CAMK1G: variants seen among roughly 807,000 people sequenced by gnomAD.
CAMK1G encodes calcium/calmodulin-dependent protein kinase type 1G.
Under a neutral mutation model 54.8 loss-of-function variants are expected in CAMK1G, and 27 were observed. The observed-to-expected ratio is 0.49, with a 90% confidence interval of 0.36 to 0.68. The LOEUF is 0.68. Among genes scored for constraint, CAMK1G ranks in the 30% least tolerant of loss-of-function variants. CAMK1G has a pLI of 0.00. For synonymous variants in CAMK1G, 238 were observed against 224.9 expected (o/e 1.06, Z -0.52); for missense variants, 512 against 591.0 (o/e 0.87, Z 1.39).
intron 4 of CAMK1G, among the ~76,000 whole-genome samples, chr1:209,604,978 A>G (rs1665612250): frequency 6.6e-6 from 1 of 152,170 alleles, no homozygotes; most frequent in Non-Finnish European, 1.5e-5. Flanking sequence ...TAGAAGTCAG[A>G]CTTGATCTTT....
At chr1:209,587,349 C>G (rs1665129504) in intron 1 of CAMK1G, among the ~76,000 whole-genome samples, 2 of 152,092 alleles carry the variant, frequency 1.3e-5, no homozygotes, top group Admixed American at 1.3e-4. Flanking sequence ...ATGGCCTAGT[C>G]TACATTTTCC....
At chr1:209,606,730 C>T (rs1171893996) in intron 6 of CAMK1G, among the ~76,000 whole-genome samples, 1 of 152,172 alleles carries the variant, frequency 6.6e-6, no homozygotes, top group Non-Finnish European at 1.5e-5. Flanking sequence ...CTTTGTCTTT[C>T]CAGCTGGACC....
chr1:209,605,476 CCTT>C (rs1427225870), intron 4 of CAMK1G, 57 bp from the exon 5 acceptor site: 18 of 1,579,888 alleles, frequency 1.1e-5, no homozygotes, highest in Non-Finnish European at 1.6e-5. Flanking sequence ...AAAGCAAACA[CCTT>C]CTCATTACTT....
intron 1 of CAMK1G, among the ~76,000 whole-genome samples, chr1:209,593,953 G>A (rs1006025710): frequency 2.0e-5 from 3 of 152,042 alleles, no homozygotes; most frequent in Non-Finnish European, 2.9e-5. Context: ...CCCACCATAC[G>A]GAGCTCACTC....
intron 6 of CAMK1G, among the ~76,000 whole-genome samples, chr1:209,607,267 G>A (rs1665673256): frequency 6.6e-6 from 1 of 152,210 alleles, no homozygotes. Context: ...ACACCCCACA[G>A]GGCTCCTAAT....
At chr1:209,592,713 T>A (rs11119312) in intron 1 of CAMK1G, among the ~76,000 whole-genome samples, 32,057 of 152,128 alleles carry the variant, frequency 0.21, 3,929 homozygotes, top group Non-Finnish European at 0.27. Context: ...ACACCATCTG[T>A]CTCCCCATCC....
intron 1 of CAMK1G, among the ~76,000 whole-genome samples, chr1:209,588,878 C>T (rs1665174676): frequency 6.6e-6 from 1 of 152,206 alleles, no homozygotes; most frequent in Non-Finnish European, 1.5e-5. Context: ...CCACTGGGAG[C>T]ATGGAAAGGG....
intron 9 of CAMK1G, 81 bp from the exon 10 acceptor site, chr1:209,611,384 A>G: frequency 4.7e-6 from 6 of 1,282,024 alleles, no homozygotes; most frequent in Non-Finnish European, 4.5e-6. Context: ...GCTCTCACCT[A>G]GACCTGCAGG....
chr1:209,608,788 G>C (rs561595220), intron 7 of CAMK1G, among the ~76,000 whole-genome samples, 192 bp from the exon 8 acceptor site: 2 of 152,290 alleles, frequency 1.3e-5, no homozygotes, highest in East Asian at 3.9e-4. Flanking sequence ...GCCAAGGCTT[G>C]GCACTTGCAT....
chr1:209,586,753 C>T (rs1243499435), intron 1 of CAMK1G, among the ~76,000 whole-genome samples: 1 of 152,012 alleles, frequency 6.6e-6, no homozygotes, highest in Non-Finnish European at 1.5e-5. Context: ...ATGAGGAAAC[C>T]AAGGCCCAAT....
Position 209,606,332 on chromosome 1 carries a change from C to G in CAMK1G, c.448C>G (p.Leu150Val). The change falls in exon 6 of 13, where the codon CTT becomes GTT. Residue 150 changes from leucine (L) to valine (V), a missense_variant. This residue lies in a region of CAMK1G where 186 missense variants were observed against 231.5 expected (regional missense o/e 0.80). Transcript: ENST00000361322. ...VHRDLKPENL[L>V]YLTPEENSKI... Reference sequence around the variant, plus strand: ...TTTTCTCCTACAGCCCGAAAACCTGCTTTACCTTACCCCTGAAGAGAACTC... The same window carrying G: ...TTTTCTCCTACAGCCCGAAAACCTGGTTTACCTTACCCCTGAAGAGAACTC... 1 of 1,613,962 alleles carries G rather than the reference C, an allele frequency of 6.2e-7. No individual in the cohort carries two copies. Among genetic ancestry groups the G allele is most frequent in the Non-Finnish European group, 8.5e-7 (1 of 1,179,906 alleles).
At chr1:209,602,589 G>A (rs1372030799) in intron 3 of CAMK1G, among the ~76,000 whole-genome samples, 1 of 152,152 alleles carries the variant, frequency 6.6e-6, no homozygotes, top group African/African-American at 2.4e-5. Flanking sequence ...TTCCACAGCT[G>A]ACCTCATGTG....
chr1:209,612,935 G>A, intron 12 of CAMK1G, 23 bp downstream of exon 12: 1 of 1,225,018 alleles, frequency 8.2e-7, no homozygotes, highest in East Asian at 2.3e-5. Context: ...ACAGTGTGAG[G>A]CTTGGGGAGA....
Position 209,612,228 on chromosome 1 carries a change from T to C in CAMK1G, c.1340+12T>C, listed in dbSNP as rs750532837. 1 of 1,609,190 alleles carries C rather than the reference T, an allele frequency of 6.2e-7. No homozygotes were observed. The highest frequency in any genetic ancestry group is 1.7e-5 in the Admixed American group (1 of 59,904). ...GCCAACAAAAAACAGTACGTATTTT[T>C]AGCCAAAGATGGAGCCCCAGCTTGG... On this transcript the variant is annotated intron_variant, in intron 11 of 12. Coordinates refer to ENST00000361322, the MANE Select transcript of CAMK1G (RefSeq NM_020439.3).
intron 7 of CAMK1G, 159 bp from the exon 8 acceptor site, chr1:209,608,821 C>A: frequency 1.9e-6 from 1 of 540,312 alleles, no homozygotes; most frequent in Non-Finnish European, 2.4e-6. Context: ...GGACCTGTAC[C>A]ATTCTGGAAT....
intron 4 of CAMK1G, 38 bp downstream of exon 4, chr1:209,603,326 G>A (rs770189057): frequency 3.2e-6 from 5 of 1,561,040 alleles, no homozygotes; most frequent in Non-Finnish European, 4.4e-6. Flanking sequence ...ACAGAGGCCT[G>A]GTGGGGCCTG....
intron 7 of CAMK1G, 113 bp from the exon 8 acceptor site, chr1:209,608,866 TC>T: frequency 1.0e-5 from 15 of 1,443,766 alleles, no homozygotes; most frequent in Non-Finnish European, 1.4e-5. Flanking sequence ...ACACCACTGT[TC>T]TGGGACCTTC....
In CAMK1G at chr1:209,607,859, TCCAGAAGTGCTGGC is replaced by T; in HGVS notation, c.568_581del (p.Val190ThrfsTer27). On this transcript the variant is annotated frameshift_variant and splice_region_variant, in exon 7 of 13. Coordinates refer to ENST00000361322, the MANE Select transcript of CAMK1G (RefSeq NM_020439.3). LOFTEE classifies it high-confidence loss of function. Reference sequence around the variant, plus strand: ...GACTCTGCCCTTGGTCTGCTGCAGCTCCAGAAGTGCTGGCCCAGAAACCCTACAGCAAGGCTGTG... The same window carrying T: ...GACTCTGCCCTTGGTCTGCTGCAGCTCCAGAAACCCTACAGCAAGGCTGTG... 1 of 1,612,792 alleles carries T rather than the reference TCCAGAAGTGCTGGC, an allele frequency of 6.2e-7. No homozygotes were observed. The highest frequency in any genetic ancestry group is 8.5e-7 in the Non-Finnish European group (1 of 1,179,394).
chr1:209,606,993 A>C (rs1460166521), intron 6 of CAMK1G, among the ~76,000 whole-genome samples: 1 of 152,196 alleles, frequency 6.6e-6, no homozygotes, highest in Non-Finnish European at 1.5e-5. Flanking sequence ...AGGGCCCCCA[A>C]AAAGAGTGAG....
Sources: gnomAD v4.1 joint callset for allele counts (sites outside exome capture counted in the v4.1 genomes callset) on GRCh38, gnomAD v4.1.1 for gene constraint, gnomAD v4.1.1 regional missense constraint, MANE v1.5 for transcripts, NCBI Gene and HGNC (gene_info 2026-07-23, HGNC 2026-07-21) for gene names.